The following MCTP2 variants were observed in gnomAD, a reference collection of about 807,000 sequenced individuals.
MCTP2 encodes multiple C2 and transmembrane domain-containing protein 2.
A neutral mutation model predicts 111.6 loss-of-function variants in MCTP2; 132 were observed. That is an observed-to-expected ratio of 1.18 (90% CI 1.03 to 1.37). The LOEUF (loss-of-function observed/expected upper bound fraction) is 1.37, where lower values mean the gene tolerates loss of function less well. MCTP2 is among the 40% of genes most tolerant of loss of function. The probability of loss-of-function intolerance (pLI) is 0.00; values close to 1 mark genes in which losing one functional copy is unlikely to be tolerated. For missense variants in MCTP2, 1,183 were observed against 1,067.9 expected, an observed-to-expected ratio of 1.11 and a Z score of -1.50; for synonymous variants, 395 against 387.7, an observed-to-expected ratio of 1.02 and a Z score of -0.22.
chr15:94,458,244 G>GT lies in MCTP2; in HGVS notation c.2358_2359insT (p.Asn787Ter). 1 of 1,580,726 alleles carries GT rather than the reference G, an allele frequency of 6.3e-7. No individual in the cohort carries two copies. The highest frequency in any genetic ancestry group is 8.7e-7 in the Non-Finnish European group (1 of 1,149,662). ...TAGCTTCTTTTGGAGAAAGGATTAAGAAGTAAGTTCTAAATTTGTGTTGTG... is the reference window on the plus strand; with the variant it reads ...TAGCTTCTTTTGGAGAAAGGATTAAGTAAGTAAGTTCTAAATTTGTGTTGTG... On this transcript the variant is annotated frameshift_variant and splice_region_variant, in exon 20 of 23. Coordinates refer to ENST00000357742, the MANE Select transcript of MCTP2 (RefSeq NM_001385001.1). LOFTEE classifies it high-confidence loss of function.
chr15:94,236,237 A>G (rs1301701841), intron 1 of MCTP2, among the ~76,000 whole-genome samples: 1 of 152,032 alleles, frequency 6.6e-6, no homozygotes, highest in Non-Finnish European at 1.5e-5. Context: ...TCCCCAGGCC[A>G]CAGAGGATTT....
In MCTP2 at chr15:94,243,130, C is replaced by T. The variant is rs142485478; in HGVS notation, c.-66+11466C>T. Among the ~76,000 whole-genome samples, 57 of 143,568 alleles carry T rather than the reference C, an allele frequency of 4.0e-4. 6 individuals carry two copies. Among genetic ancestry groups the T allele is most frequent in the Non-Finnish European group, 6.2e-4 (40 of 64,610 alleles). 94.2% of individuals were successfully genotyped at this position (143,568 alleles called of 152,430 possible). On this transcript the variant is annotated intron_variant, in intron 1 of 22. Coordinates refer to ENST00000357742, the MANE Select transcript of MCTP2 (RefSeq NM_001385001.1). ...CTACGGGTGTGTATATATGTATCTA[C>T]GGGTGTGGATATATTTATATACGTG... is the stretch of plus-strand genomic sequence containing the variant.
intron 14 of MCTP2, among the ~76,000 whole-genome samples, chr15:94,398,284 G>A (rs2081379874): frequency 6.6e-6 from 1 of 152,110 alleles, no homozygotes; most frequent in Non-Finnish European, 1.5e-5. Context: ...ATTAAAACCA[G>A]CTCCTTTATT....
chr15:94,399,249 C>T lies in MCTP2; in HGVS notation c.1890+187C>T, dbSNP rs571715127. Among the ~76,000 whole-genome samples the T allele has an allele frequency of 1.7e-3, 263 of 152,198 alleles. 1 individual carries two copies. The highest frequency in any genetic ancestry group is 6.0e-3 in the African/African-American group (251 of 41,526). ...TCATCTCCTGCTTTCTTCTGGAAAA[C>T]GTTTGTGTATAGAGTATGTATACTG... On this transcript the variant is annotated intron_variant, in intron 15 of 22. Transcript: ENST00000357742.
At chr15:94,272,652 T>A (rs1023553481) in intron 1 of MCTP2, among the ~76,000 whole-genome samples, 2 of 152,200 alleles carry the variant, frequency 1.3e-5, no homozygotes, top group Non-Finnish European at 2.9e-5. Context: ...CACTTGAGAC[T>A]GTTGACCACT....
At chr15:94,361,096 T>TTTC (rs2078915730) in intron 10 of MCTP2, among the ~76,000 whole-genome samples, 1 of 137,358 alleles carries the variant, frequency 7.3e-6, no homozygotes, top group Non-Finnish European at 1.6e-5. Flanking sequence ...TTTTTTTTTT[T>TTTC]TTTTTTTTTT....
chr15:94,389,220 A>T (rs538491618), intron 14 of MCTP2, among the ~76,000 whole-genome samples: 3 of 152,154 alleles, frequency 2.0e-5, no homozygotes, highest in Admixed American at 6.5e-5. Context: ...AGAATGAAGG[A>T]CATTCCAAAC....
intron 3 of MCTP2, 78 bp from the exon 4 acceptor site, chr15:94,315,451 A>G: frequency 9.4e-7 from 1 of 1,058,328 alleles, no homozygotes; most frequent in South Asian, 1.4e-5. Context: ...TTTTCCCTCC[A>G]AAATCGAGAA....
At chr15:94,302,516 A>T (rs1407141858) in intron 2 of MCTP2, among the ~76,000 whole-genome samples, 1 of 152,226 alleles carries the variant, frequency 6.6e-6, no homozygotes, top group Non-Finnish European at 1.5e-5. Context: ...CTGTAAAACC[A>T]AAAGGTGAGA....
intron 17 of MCTP2, among the ~76,000 whole-genome samples, chr15:94,428,639 T>C (rs1298935587): frequency 6.6e-6 from 1 of 152,156 alleles, no homozygotes; most frequent in Non-Finnish European, 1.5e-5. Context: ...TATCAGACCT[T>C]CTCATTTCTA....
chr15:94,257,566 G>GTTT (rs1220635423), intron 1 of MCTP2, among the ~76,000 whole-genome samples: 3 of 73,006 alleles, frequency 4.1e-5, no homozygotes, highest in Non-Finnish European at 5.3e-5. Context: ...CATTTTCTTT[G>GTTT]TTGTTTTTTT....
chr15:94,246,736 C>A (rs1030928264), intron 1 of MCTP2, among the ~76,000 whole-genome samples: 4 of 152,268 alleles, frequency 2.6e-5, no homozygotes, highest in Admixed American at 6.5e-5. Flanking sequence ...AGGGAAAGTT[C>A]ATTTGGGAAT....
At chr15:94,371,618 A>C (rs916483527) in intron 12 of MCTP2, among the ~76,000 whole-genome samples, 1 of 152,206 alleles carries the variant, frequency 6.6e-6, no homozygotes, top group Non-Finnish European at 1.5e-5. Context: ...TTTAATCTCC[A>C]GTGACTGATT....
chr15:94,336,972 T>C (rs2077394946), intron 4 of MCTP2, among the ~76,000 whole-genome samples: 1 of 152,090 alleles, frequency 6.6e-6, no homozygotes, highest in African/African-American at 2.4e-5. Flanking sequence ...AAGAGCCTCA[T>C]TGTTTCTGAA....
At chr15:94,244,003 GCA>G (rs1347970883) in intron 1 of MCTP2, among the ~76,000 whole-genome samples, 1 of 142,726 alleles carries the variant, frequency 7.0e-6, no homozygotes, top group East Asian at 2.2e-4. Flanking sequence ...ATATATTTAT[GCA>G]CACATATGTA....
intron 10 of MCTP2, among the ~76,000 whole-genome samples, chr15:94,361,203 T>C (rs888555376): frequency 6.7e-6 from 1 of 148,248 alleles, no homozygotes; most frequent in East Asian, 2.1e-4. Context: ...ATCAGGAGGC[T>C]CTCTGCTGGT....
chr15:94,397,129 A>G (rs79388872), intron 14 of MCTP2, among the ~76,000 whole-genome samples: 2 of 152,246 alleles, frequency 1.3e-5, no homozygotes, highest in Middle Eastern at 3.4e-3. Flanking sequence ...TTAAACTTAT[A>G]TTCTATTTTT....
intron 14 of MCTP2, among the ~76,000 whole-genome samples, chr15:94,390,720 C>CTTTT (rs1316967140): frequency 7.7e-6 from 1 of 129,586 alleles, no homozygotes; most frequent in African/African-American, 3.0e-5. Flanking sequence ...AATTTCTTTT[C>CTTTT]TTTTCTTTTT....
At chr15:94,370,770 G>A (rs756903725) in intron 12 of MCTP2, among the ~76,000 whole-genome samples, 1 of 152,114 alleles carries the variant, frequency 6.6e-6, no homozygotes. Context: ...ATCCAGACAC[G>A]CCAGTGTCTG....
Sources: allele counts gnomAD v4.1 joint callset (sites outside exome capture counted in the v4.1 genomes callset), GRCh38; gene constraint gnomAD v4.1.1; transcripts MANE v1.5; gene names NCBI Gene and HGNC (gene_info 2026-07-23, HGNC 2026-07-21).